SIPA1L3: variants seen among roughly 807,000 people sequenced by gnomAD.
SIPA1L3 encodes signal-induced proliferation-associated 1-like protein 3.
SIPA1L3 carries 59 observed loss-of-function variants against 150.1 expected under a neutral mutation model. The ratio of observed to expected loss-of-function variants is 0.39; its 90% confidence interval spans 0.32 to 0.49. The LOEUF is 0.49. Ranked by LOEUF, SIPA1L3 falls within the 20% of genes least tolerant of loss-of-function variation. The pLI, the probability that SIPA1L3 is intolerant of heterozygous loss-of-function variation, is 0.86. For synonymous variants in SIPA1L3, 1,070 were observed against 1,077.6 expected (o/e 0.99, Z 0.14); for missense variants, 2,211 against 2,489.5 (o/e 0.89, Z 2.38).
chr19:37,974,837 C>G (rs908989013), intron 1 of SIPA1L3, among the ~76,000 whole-genome samples: 1 of 152,114 alleles, frequency 6.6e-6, no homozygotes, highest in Non-Finnish European at 1.5e-5. Flanking sequence ...TTATTCTAGG[C>G]CAGCCCTTCT....
intron 1 of SIPA1L3, among the ~76,000 whole-genome samples, chr19:37,945,100 G>A (rs1294330894): frequency 1.3e-5 from 2 of 152,128 alleles, no homozygotes; most frequent in Non-Finnish European, 2.9e-5. Context: ...TTATAGTAAA[G>A]TGCTGAGTAT....
intron 1 of SIPA1L3, among the ~76,000 whole-genome samples, chr19:37,989,574 T>C (rs914061032): frequency 6.6e-6 from 1 of 152,054 alleles, no homozygotes; most frequent in Admixed American, 6.6e-5. Flanking sequence ...AATGAAGACA[T>C]GGAGGTTCTG....
chr19:38,183,168 G>A (rs1237084282), intron 16 of SIPA1L3, among the ~76,000 whole-genome samples: 5 of 152,166 alleles, frequency 3.3e-5, no homozygotes, highest in Non-Finnish European at 7.3e-5. Context: ...GGAGGGTCTT[G>A]AGGGCCACGT....
intron 1 of SIPA1L3, among the ~76,000 whole-genome samples, chr19:37,944,571 T>G (rs956113352): frequency 2.0e-5 from 3 of 152,166 alleles, no homozygotes; most frequent in African/African-American, 7.2e-5. Context: ...GTTAATGTAT[T>G]AATATGTAAA....
At chr19:38,194,293 C>T (rs1349247582) in intron 18 of SIPA1L3, among the ~76,000 whole-genome samples, 1 of 152,126 alleles carries the variant, frequency 6.6e-6, no homozygotes, top group Non-Finnish European at 1.5e-5. Context: ...GCACACCACC[C>T]GCATCAAAAG....
chr19:37,980,367 ACTCTG>A (rs2145612844), intron 1 of SIPA1L3, among the ~76,000 whole-genome samples: 2 of 152,122 alleles, frequency 1.3e-5, no homozygotes, highest in Non-Finnish European at 2.9e-5. Context: ...CCTACTCAGT[ACTCTG>A]CTCTGCACTT....
chr19:38,061,432 G>C (rs1969444024), intron 2 of SIPA1L3, among the ~76,000 whole-genome samples: 1 of 151,754 alleles, frequency 6.6e-6, no homozygotes, highest in Non-Finnish European at 1.5e-5. Flanking sequence ...CCTCCCTGCA[G>C]ATGTTGAGAA....
chr19:38,170,995 T>C (rs1311998461), intron 15 of SIPA1L3, among the ~76,000 whole-genome samples: 2 of 152,074 alleles, frequency 1.3e-5, no homozygotes, highest in East Asian at 3.8e-4. Context: ...TGGGCCTCAA[T>C]ATATGTTGTG....
At chr19:38,188,372 A>G (rs1272985821) in intron 16 of SIPA1L3, among the ~76,000 whole-genome samples, 1 of 151,424 alleles carries the variant, frequency 6.6e-6, no homozygotes, top group Non-Finnish European at 1.5e-5. Context: ...TTTAGTAGAG[A>G]AGGGGTTTTA....
chr19:37,922,749 G>A (rs955870132), intron 1 of SIPA1L3, among the ~76,000 whole-genome samples: 1 of 152,022 alleles, frequency 6.6e-6, no homozygotes, highest in African/African-American at 2.4e-5. Context: ...AGATACCAGG[G>A]TGCAGCCATG....
At chr19:37,981,127 A>G (rs1320301214) in intron 1 of SIPA1L3, among the ~76,000 whole-genome samples, 1 of 152,200 alleles carries the variant, frequency 6.6e-6, no homozygotes, top group Non-Finnish European at 1.5e-5. Context: ...CTTTGTTAGT[A>G]TAGCTCATGA....
chr19:38,034,973 G>A (rs1461815065), intron 2 of SIPA1L3, among the ~76,000 whole-genome samples: 1 of 152,192 alleles, frequency 6.6e-6, no homozygotes, highest in African/African-American at 2.4e-5. Context: ...GGGTGGCTCT[G>A]CCCTCATGCG....
intron 1 of SIPA1L3, among the ~76,000 whole-genome samples, chr19:38,001,020 A>G (rs915752574): frequency 6.7e-6 from 1 of 150,224 alleles, no homozygotes; most frequent in Non-Finnish European, 1.5e-5. Context: ...ACACATATAT[A>G]TCACACACAT....
intron 2 of SIPA1L3, among the ~76,000 whole-genome samples, chr19:38,061,232 T>C (rs1969439501): frequency 6.6e-6 from 1 of 150,522 alleles, no homozygotes; most frequent in Non-Finnish European, 1.5e-5. Context: ...GCCTCCTGAT[T>C]TTTTTTTTCT....
chr19:37,931,224 T>C (rs2046550912), intron 1 of SIPA1L3, among the ~76,000 whole-genome samples: 1 of 152,166 alleles, frequency 6.6e-6, no homozygotes, highest in Admixed American at 6.6e-5. Context: ...CATAAAGATC[T>C]CACTTGGCCA....
intron 15 of SIPA1L3, among the ~76,000 whole-genome samples, chr19:38,181,265 C>G (rs907613908): frequency 6.6e-6 from 1 of 152,204 alleles, no homozygotes; most frequent in African/African-American, 2.4e-5. Flanking sequence ...TGCCAGTCTT[C>G]TCATTTGACT....
chr19:38,084,160 C>T (rs1970071355), intron 3 of SIPA1L3, among the ~76,000 whole-genome samples: 1 of 152,098 alleles, frequency 6.6e-6, no homozygotes, highest in Non-Finnish European at 1.5e-5. Flanking sequence ...GCATGATCCC[C>T]CACTGCTCCA....
Position 38,082,009 on chromosome 19 carries a change from C to T in SIPA1L3, c.444C>T (p.Asp148=). The change falls in exon 3 of 22, where the codon GAC becomes GAT. Residue 148 remains aspartate (D), a synonymous_variant. Coordinates refer to ENST00000222345, the MANE Select transcript of SIPA1L3 (RefSeq NM_015073.3). ...GACTCTCCAGGAGAAGGTCCAAAGA[C>T]GTGGAGTTCCAGGACGGGTGGCCCC... ...FHRLSRRRSK[D]VEFQDGWPRS... is the part of the protein sequence containing the mutation. 6.2e-7 allele frequency: 1 copy of T among 1,614,206 alleles called. No individual in the cohort carries two copies. Among genetic ancestry groups the T allele is most frequent in the Non-Finnish European group, 8.5e-7 (1 of 1,180,002 alleles).
At chr19:37,985,001 T>C (rs1010212103) in intron 1 of SIPA1L3, among the ~76,000 whole-genome samples, 1 of 152,212 alleles carries the variant, frequency 6.6e-6, no homozygotes, top group Non-Finnish European at 1.5e-5. Flanking sequence ...TAGTCCTTGC[T>C]GTCCTGGAGT....
Sources: gnomAD v4.1 joint callset for allele counts (sites outside exome capture counted in the v4.1 genomes callset) on GRCh38, gnomAD v4.1.1 for gene constraint, MANE v1.5 for transcripts, NCBI Gene and HGNC (gene_info 2026-07-23, HGNC 2026-07-21) for gene names.